Variants in ESRRG observed in about 807,000 individuals in gnomAD.
ESRRG encodes the protein estrogen related receptor gamma, also known as estrogen-related receptor gamma.
ESRRG carries 13 observed loss-of-function variants against 44.0 expected under a neutral mutation model. The ratio of observed to expected loss-of-function variants is 0.30; its 90% CI spans 0.19 to 0.47. ESRRG has a LOEUF of 0.47. Among genes scored for constraint, ESRRG ranks in the 20% least tolerant of loss-of-function variants. ESRRG has a pLI of 1.00. For missense variants in ESRRG, 395 were observed against 580.6 expected (o/e 0.68, Z 3.29); for synonymous variants, 215 against 214.6 (o/e 1.00, Z -0.02).
chr1:216,823,892 A>C (rs1180810482), intron 2 of ESRRG, among the ~76,000 whole-genome samples: 2 of 152,136 alleles, frequency 1.3e-5, no homozygotes, highest in African/African-American at 4.8e-5. Flanking sequence ...CTACTGACTG[A>C]CTGCCTTTCA....
upstream of ESRRG, chr1:216,723,514 C>A: frequency 1.9e-6 from 1 of 532,280 alleles, no homozygotes; most frequent in East Asian, 3.2e-5. Context: ...TCCCACCGGC[C>A]CAGCCGCGCA....
intron 1 of ESRRG, among the ~76,000 whole-genome samples, chr1:216,705,966 T>TG (rs1251619117): frequency 2.0e-5 from 3 of 152,042 alleles, no homozygotes; most frequent in Admixed American, 1.3e-4. Flanking sequence ...GTGTGTAGTT[T>TG]GGGGGTGGGG....
At chr1:216,629,765 G>C (rs1418324450) in intron 3 of ESRRG, among the ~76,000 whole-genome samples, 3 of 152,188 alleles carry the variant, frequency 2.0e-5, no homozygotes, top group Non-Finnish European at 4.4e-5. Context: ...GTGAAGGTTA[G>C]AATTTGATGA....
chr1:216,738,696 G>A (rs895347287), intron 2 of ESRRG, among the ~76,000 whole-genome samples: 16 of 152,098 alleles, frequency 1.1e-4, no homozygotes, highest in African/African-American at 3.1e-4. Flanking sequence ...AAATGCCAGA[G>A]CTGAGAAAGA....
chr1:216,723,535 G>A (rs1345661973), upstream of ESRRG: 1 of 520,152 alleles, frequency 1.9e-6, no homozygotes, highest in Non-Finnish European at 3.4e-6. Flanking sequence ...GCCGATTGGG[G>A]GGCCTCTGCC....
intron 1 of ESRRG, among the ~76,000 whole-genome samples, chr1:217,032,159 T>A (rs1018899903): frequency 5.9e-5 from 9 of 152,346 alleles, no homozygotes; most frequent in Middle Eastern, 3.4e-3. Context: ...TCACATTTTT[T>A]AAAATAGAAA....
At chr1:216,914,101 C>G (rs552630859) in intron 2 of ESRRG, among the ~76,000 whole-genome samples, 1 of 151,388 alleles carries the variant, frequency 6.6e-6, no homozygotes, top group African/African-American at 2.4e-5. Context: ...CTCCCCCTCC[C>G]CCCATCCTTT....
rs375424445 is a variant in ESRRG, at chr1:217,133,631, T to TTC, written c.-230+4034_-230+4035dup. ...TTTCTTTCTTTCTTTCTTTCTTTCT[T>TTC]TCTCTCTCTCTCTCTCTTTCTTTCT... On this transcript the variant is annotated intron_variant, in intron 1 of 8. Coordinates refer to the ESRRG transcript ENST00000366940. Among the ~76,000 whole-genome samples, 122 of 58,480 alleles carry TTC rather than the reference T, an allele frequency of 2.1e-3. 1 individual carries two copies. The highest frequency in any genetic ancestry group is 5.7e-3 in the African/African-American group (116 of 20,370). The allele number at this position is 58,480 out of a possible 152,430, so 38.4% of individuals were successfully genotyped here. A position where few individuals can be genotyped will look rare whatever the true frequency, so the allele number is the denominator to read the frequency against.
chr1:216,827,531 T>G (rs911080395), intron 2 of ESRRG, among the ~76,000 whole-genome samples: 2 of 152,196 alleles, frequency 1.3e-5, no homozygotes, highest in Admixed American at 6.5e-5. Context: ...ACCTATGTCT[T>G]CGTATGCAAG....
At chr1:216,836,655 AT>A (rs962854507) in intron 2 of ESRRG, among the ~76,000 whole-genome samples, 1 of 145,068 alleles carries the variant, frequency 6.9e-6, no homozygotes, top group African/African-American at 2.6e-5. Context: ...GCCATTGCTT[AT>A]TTTTTTCTGA....
intron 2 of ESRRG, among the ~76,000 whole-genome samples, chr1:216,894,532 CT>C (rs1298107604): frequency 6.6e-6 from 1 of 152,044 alleles, no homozygotes; most frequent in Admixed American, 6.6e-5. Flanking sequence ...CATCTAATCT[CT>C]TTATTAAGTT....
intron 2 of ESRRG, among the ~76,000 whole-genome samples, chr1:216,728,775 C>T (rs2088092033): frequency 6.6e-6 from 1 of 150,756 alleles, no homozygotes; most frequent in Non-Finnish European, 1.5e-5. Context: ...ATCCTTTTGT[C>T]CGAATTTTCA....
At chr1:216,922,780 G>A (rs2062001032) in intron 2 of ESRRG, among the ~76,000 whole-genome samples, 1 of 152,146 alleles carries the variant, frequency 6.6e-6, no homozygotes. Context: ...ATACCAGCAA[G>A]CACTTTAGTG....
intron 1 of ESRRG, among the ~76,000 whole-genome samples, chr1:216,964,616 C>T (rs1196152641): frequency 6.6e-6 from 1 of 152,054 alleles, no homozygotes; most frequent in East Asian, 1.9e-4. Flanking sequence ...ATGTGTCTAC[C>T]TAACGCTAAA....
chr1:217,022,665 T>C (rs2080527675), intron 1 of ESRRG, among the ~76,000 whole-genome samples: 1 of 152,194 alleles, frequency 6.6e-6, no homozygotes, highest in Non-Finnish European at 1.5e-5. Flanking sequence ...TCAACCGGTA[T>C]GTCTAGTGAC....
At chr1:216,983,685 CATGT>C (rs765290930) in intron 1 of ESRRG, among the ~76,000 whole-genome samples, 10 of 56,578 alleles carry the variant, frequency 1.8e-4, no homozygotes, top group Admixed American at 8.1e-4. Flanking sequence ...CGTGCATGTG[CATGT>C]GTGTGTGTGT....
intron 1 of ESRRG, among the ~76,000 whole-genome samples, chr1:217,121,404 G>A (rs2092818186): frequency 6.6e-6 from 1 of 152,130 alleles, no homozygotes; most frequent in Admixed American, 6.5e-5. Flanking sequence ...GATCAGATTT[G>A]CATTTTAGAA....
At chr1:216,897,145 G>A (rs538932104) in intron 2 of ESRRG, among the ~76,000 whole-genome samples, 18 of 152,048 alleles carry the variant, frequency 1.2e-4, no homozygotes, top group Non-Finnish European at 1.8e-4. Context: ...AGTAACCCTG[G>A]GAAGAAATGA....
chr1:216,882,226 T>C (rs1431437988), intron 2 of ESRRG, among the ~76,000 whole-genome samples: 1 of 152,174 alleles, frequency 6.6e-6, no homozygotes, highest in South Asian at 2.1e-4. Context: ...GAGCTATACA[T>C]TCCTTGATTT....
Sources: allele counts gnomAD v4.1 joint callset (sites outside exome capture counted in the v4.1 genomes callset), GRCh38; gene constraint gnomAD v4.1.1; transcripts MANE v1.5; gene names NCBI Gene and HGNC (gene_info 2026-07-23, HGNC 2026-07-21).